Variants in CNN3 observed in about 807,000 individuals in gnomAD.
CNN3 encodes calponin 3, also known as calponin-3.
Under a neutral mutation model 39.0 loss-of-function variants are expected in CNN3, and 11 were observed. The ratio of observed to expected loss-of-function variants is 0.28; its 90% confidence interval spans 0.18 to 0.47. CNN3 has a LOEUF of 0.47. CNN3 is among the 20% of genes least tolerant of loss of function. The pLI is 0.99. For synonymous variants in CNN3, 101 were observed against 138.3 expected (o/e 0.73, Z 1.89); for missense variants, 266 against 403.4 (o/e 0.66, Z 2.92).
chr1:94,910,263 C>T (rs1671124630), intron 1 of CNN3, among the ~76,000 whole-genome samples: 1 of 152,162 alleles, frequency 6.6e-6, no homozygotes, highest in East Asian at 1.9e-4. Flanking sequence ...TTCTGTCCTT[C>T]ATCTAAATGG....
At chr1:94,921,223 C>A (rs1171156936) in intron 1 of CNN3, among the ~76,000 whole-genome samples, 1 of 152,108 alleles carries the variant, frequency 6.6e-6, no homozygotes, top group African/African-American at 2.4e-5. Context: ...GGTGAAACTC[C>A]AACTCTACTA....
At chr1:94,916,649 A>C (rs1671284580) in intron 1 of CNN3, among the ~76,000 whole-genome samples, 1 of 152,116 alleles carries the variant, frequency 6.6e-6, no homozygotes, top group Admixed American at 6.5e-5. Flanking sequence ...GAAAGATGTC[A>C]ATTCTCCCTG....
At position 94,897,750 on chromosome 1, in the gene CNN3, C is replaced by T; in HGVS notation, c.982G>A (p.Asp328Asn). ...GCTCCTTCTGTGTGGATCTAATAAT[C>T]AATGCCTTGGTCGCTATATTGGTAA... Reference protein sequence around the residue: ...RDYQYSDQGIDY With the variant: ...RDYQYSDQGINY The change falls in exon 7 of 7, where the codon GAT (aspartate) becomes AAT (asparagine). Residue 328 changes from aspartate to asparagine, a missense_variant. Physicochemically the swap from Asp to Asn is conservative, Grantham distance 23. Coordinates refer to ENST00000370206, the MANE Select transcript of CNN3 (RefSeq NM_001839.5). The T allele has an allele frequency of 6.2e-7, 1 of 1,612,706 alleles. No homozygotes were observed. The highest frequency in any genetic ancestry group is 8.5e-7 in the Non-Finnish European group (1 of 1,178,960).
intron 1 of CNN3, among the ~76,000 whole-genome samples, chr1:94,919,848 G>A (rs1337907148): frequency 2.6e-5 from 4 of 151,318 alleles, no homozygotes; most frequent in African/African-American, 7.3e-5. Flanking sequence ...CAACAGTCAC[G>A]CCCACACCCT....
intron 1 of CNN3, among the ~76,000 whole-genome samples, chr1:94,925,216 A>T (rs752408048): frequency 1.2e-4 from 18 of 152,220 alleles, no homozygotes; most frequent in Non-Finnish European, 2.6e-4. Context: ...GTAGAGACTC[A>T]ACTGCTGCCA....
At chr1:94,925,826 GGAGACAATGAGC>G (rs1671561790) in intron 1 of CNN3, 1 of 985,296 alleles carries the variant, frequency 1.0e-6, no homozygotes, top group Non-Finnish European at 1.2e-6. Context: ...ACAGCAGAAA[GGAGACAATGAGC>G]GTTCTGTGCA....
In CNN3 at chr1:94,915,014, G is replaced by A. The variant is rs147368187; in HGVS notation, c.58-11490C>T. Among the ~76,000 whole-genome samples the A allele has an allele frequency of 3.3e-5, 5 of 152,184 alleles. No homozygotes were observed. The East Asian group carries it at 7.7e-4, about 24-fold the overall frequency. The stretch of plus-strand genomic sequence containing the variant: ...TCCTCCCACCTCAGCCTCCTGAGTA[G>A]CTAGGACTATAGGCATGTGCCACTA... On this transcript the variant is annotated intron_variant, in intron 1 of 6. Transcript: ENST00000370206.
rs144754939 is a variant in CNN3 at position 94,899,921 on chromosome 1, T to C, written c.502-404A>G. On this transcript the variant is annotated intron_variant, in intron 5 of 6. Coordinates refer to ENST00000370206, the MANE Select transcript of CNN3 (RefSeq NM_001839.5). ...TACTCCAGGAATGTTTTACATAAAA[T>C]GTGAAAGCAAATGCCAAGTGTTTTC... Among the ~76,000 whole-genome samples, 538 of 152,306 alleles carry C rather than the reference T, an allele frequency of 3.5e-3. 5 individuals carry two copies. Among genetic ancestry groups the C allele is most frequent in the African/African-American group, 0.012 (513 of 41,568 alleles).
intron 1 of CNN3, among the ~76,000 whole-genome samples, chr1:94,916,005 T>C (rs1671270321): frequency 2.6e-5 from 4 of 152,210 alleles, no homozygotes; most frequent in Admixed American, 1.3e-4. Context: ...TTTTGGGCTG[T>C]TGCCTTTACT....
intron 1 of CNN3, among the ~76,000 whole-genome samples, chr1:94,920,505 T>C (rs1165530589): frequency 1.3e-5 from 2 of 152,234 alleles, no homozygotes; most frequent in African/African-American, 2.4e-5. Flanking sequence ...CTAAAATTTA[T>C]ATAATGTGGG....
intron 1 of CNN3, among the ~76,000 whole-genome samples, chr1:94,914,223 G>A (rs1671229050): frequency 6.6e-6 from 1 of 152,124 alleles, no homozygotes; most frequent in East Asian, 1.9e-4. Context: ...TAACACTGAA[G>A]AACTGTCATT....
At chr1:94,911,117 G>C (rs1671150882) in intron 1 of CNN3, among the ~76,000 whole-genome samples, 1 of 152,184 alleles carries the variant, frequency 6.6e-6, no homozygotes, top group Non-Finnish European at 1.5e-5. Context: ...GGGTGGGAGT[G>C]GGAATTCTAG....
rs1482007745 is a variant in CNN3 at position 94,926,593 on chromosome 1, C to A, written c.57+245G>T. ...CCGCGGGACTCCAGGCGCCCGGGAACCCACCGCCAGCCACTAGTCCTGTCC... is the reference window on the plus strand; with the variant it reads ...CCGCGGGACTCCAGGCGCCCGGGAAACCACCGCCAGCCACTAGTCCTGTCC... On this transcript the variant is annotated intron_variant, in intron 1 of 6. Transcript: ENST00000370206. The surrounding 1 kb of genome is among the most constrained non-coding windows in gnomAD (Gnocchi z 4.2). Among the ~76,000 whole-genome samples the A allele has an allele frequency of 6.6e-6, 1 of 152,118 alleles. No individual in the cohort carries two copies. Among genetic ancestry groups the A allele is most frequent in the Non-Finnish European group, 1.5e-5 (1 of 67,992 alleles).
intron 1 of CNN3, among the ~76,000 whole-genome samples, chr1:94,923,968 G>A (rs1476077215): frequency 2.0e-5 from 3 of 152,178 alleles, no homozygotes; most frequent in South Asian, 2.1e-4. Context: ...GTGGCAGAAC[G>A]GGGACTAGAA....
chr1:94,921,580 G>A (rs1671445789), intron 1 of CNN3, among the ~76,000 whole-genome samples: 1 of 151,962 alleles, frequency 6.6e-6, no homozygotes, highest in African/African-American at 2.4e-5. Context: ...TAACCCTCAT[G>A]TCCCAACCTG....
At position 94,926,720 on chromosome 1, in the gene CNN3, C is replaced by A; in HGVS notation, c.57+118G>T. On this transcript the variant is annotated intron_variant, in intron 1 of 6. Coordinates refer to ENST00000370206, the MANE Select transcript of CNN3 (RefSeq NM_001839.5). The surrounding 1 kb of genome is among the most constrained non-coding windows in gnomAD (Gnocchi z 4.2). ...GGCAGAGACGCTCGCGCCGCCTCGA[C>A]GGCCCCTCTCCAGGAAAACGGTGAG... 8.6e-7 allele frequency: 1 copy of A among 1,160,212 alleles called. No individual in the cohort carries two copies. The highest frequency in any genetic ancestry group is 1.2e-6 in the Non-Finnish European group (1 of 802,048). The allele number at this position is 1,160,212 out of a possible 1,614,324, so 71.9% of individuals were successfully genotyped here. A position where few individuals can be genotyped will look rare whatever the true frequency, so the allele number is the denominator to read the frequency against.
At chr1:94,902,619 G>A (rs1670897632) in intron 3 of CNN3, among the ~76,000 whole-genome samples, 1 of 152,158 alleles carries the variant, frequency 6.6e-6, no homozygotes, top group African/African-American at 2.4e-5. Flanking sequence ...AATTCATTAT[G>A]TGTTATTTTA....
chr1:94,916,150 C>G (rs1315379706), intron 1 of CNN3, among the ~76,000 whole-genome samples: 1 of 152,182 alleles, frequency 6.6e-6, no homozygotes, highest in African/African-American at 2.4e-5. Context: ...TCCCTTAGTA[C>G]TCTCTCCTAA....
chr1:94,903,273 G>C, intron 2 of CNN3, 85 bp from the exon 3 acceptor site: 17 of 1,553,806 alleles, frequency 1.1e-5, no homozygotes, highest in Non-Finnish European at 1.3e-5. Context: ...TTTAGCATCA[G>C]TAAGGGAAAG....
Sources: allele counts gnomAD v4.1 joint callset (sites outside exome capture counted in the v4.1 genomes callset), GRCh38; gene constraint gnomAD v4.1.1; non-coding constraint Gnocchi (gnomAD v3.1); transcripts MANE v1.5; gene names NCBI Gene and HGNC (gene_info 2026-07-23, HGNC 2026-07-21).